Variants in IRAG1 observed in about 807,000 individuals in gnomAD.
IRAG1 encodes inositol 1,4,5-triphosphate receptor associated 1, also known as IP3R-associated cGMP kinase substrate.
In IRAG1, 62 loss-of-function variants were observed where a neutral mutation model predicts 106.2. The ratio of observed to expected loss-of-function variants is 0.58; its 90% CI spans 0.48 to 0.72. The LOEUF is 0.72. IRAG1 is among the 30% of genes least tolerant of loss of function. IRAG1 has a pLI of 0.00. For synonymous variants in IRAG1, 462 were observed against 443.9 expected, an observed-to-expected ratio of 1.04 and a Z score of -0.51; for missense variants, 1,064 against 1,140.7, an observed-to-expected ratio of 0.93 and a Z score of 0.97.
chr11:10,648,949 C>G (rs1020519788), intron 2 of IRAG1, among the ~76,000 whole-genome samples: 2 of 152,222 alleles, frequency 1.3e-5, no homozygotes, highest in Non-Finnish European at 2.9e-5. Context: ...GGAATCACAA[C>G]TAGGGCTGGA....
intron 2 of IRAG1, among the ~76,000 whole-genome samples, chr11:10,635,000 A>G (rs1251132106): frequency 2.0e-5 from 3 of 152,098 alleles, no homozygotes; most frequent in Admixed American, 6.5e-5. Flanking sequence ...ATGCACTAAG[A>G]TTAGGGACAC....
chr11:10,583,784 G>A (rs1463077337), intron 18 of IRAG1, among the ~76,000 whole-genome samples: 1 of 152,150 alleles, frequency 6.6e-6, no homozygotes, highest in Non-Finnish European at 1.5e-5. Context: ...CTCCTTGTTT[G>A]TAACAAAGGT....
At chr11:10,653,033 C>T (rs905607476) in intron 1 of IRAG1, among the ~76,000 whole-genome samples, 3 of 152,132 alleles carry the variant, frequency 2.0e-5, no homozygotes, top group Admixed American at 2.0e-4. Context: ...GGACTGCAAT[C>T]AGCATAATCT....
rs117328312 is a variant in IRAG1 at position 10,647,960 on chromosome 11, C to T, written c.225+4065G>A. On this transcript the variant is annotated intron_variant, in intron 2 of 20. Coordinates refer to ENST00000423302, the MANE Select transcript of IRAG1 (RefSeq NM_130385.4). This position sits in a 1 kb window ranked among gnomAD's most constrained non-coding sequence, Gnocchi z 4.3. ...CTATAGGTTGTATGGAGGGCAGAAC[C>T]GAGGGAGAGTCTTGGGGGAGGCAGA... Among the ~76,000 whole-genome samples the T allele has an allele frequency of 5.3e-5, 8 of 152,266 alleles. No homozygotes were observed. The highest frequency in any genetic ancestry group is 1.2e-4 in the Non-Finnish European group (8 of 68,010).
intron 1 of IRAG1, among the ~76,000 whole-genome samples, chr11:10,655,220 C>T (rs1345357694): frequency 1.3e-5 from 2 of 151,890 alleles, no homozygotes; most frequent in African/African-American, 4.8e-5. Flanking sequence ...GACTATTCCA[C>T]TTTTCTTTTG....
At chr11:10,652,344 C>T (rs1260936520) in intron 1 of IRAG1, 162 bp from the exon 2 acceptor site, 1 of 1,440,912 alleles carries the variant, frequency 6.9e-7, no homozygotes, top group African/African-American at 1.4e-5. Flanking sequence ...TTCATTTCCT[C>T]CGGCTCTCTG....
In IRAG1 at chr11:10,650,664, C is replaced by T. The variant is rs573249278; in HGVS notation, c.225+1361G>A. ...GTTTTGTCTCTCCTTTCCTTAATCC[C>T]CAAGCTTTTGGAACTTGGCACCCTC... On this transcript the variant is annotated intron_variant, in intron 2 of 20. Coordinates refer to ENST00000423302, the MANE Select transcript of IRAG1 (RefSeq NM_130385.4). Among the ~76,000 whole-genome samples, 6 of 152,166 alleles carry T rather than the reference C, an allele frequency of 3.9e-5. No homozygotes were observed. In the South Asian group the frequency reaches 1.2e-3, roughly 32 times the overall value.
At chr11:10,633,920 GT>G in intron 3 of IRAG1, 47 bp downstream of exon 3, 1 of 1,155,674 alleles carries the variant, frequency 8.7e-7, no homozygotes, top group Non-Finnish European at 1.2e-6. Flanking sequence ...TGATCCTCAT[GT>G]TCTAGGAAAT....
chr11:10,677,993 T>G (rs1860829450), intron 1 of IRAG1, among the ~76,000 whole-genome samples: 1 of 148,398 alleles, frequency 6.7e-6, no homozygotes, highest in Non-Finnish European at 1.5e-5. Context: ...TATTCCATCA[T>G]TATCTATCTC....
rs533397637 is a variant in IRAG1, at chr11:10,656,723, C to A, written c.68-4541G>T. On this transcript the variant is annotated intron_variant, in intron 1 of 20. Transcript: ENST00000423302. ...TCTAGGGCTCAGAGAGGTTCCGCAA[C>A]CTGCTCAAGATCACACAGCTAGTAA... 1.4e-4 allele frequency among the ~76,000 whole-genome samples: 21 copies of A among 152,236 alleles called. 1 individual carries two copies. In the South Asian group the frequency reaches 4.4e-3, roughly 32 times the overall value.
intron 1 of IRAG1, among the ~76,000 whole-genome samples, chr11:10,653,182 C>T (rs1438184421): frequency 4.6e-5 from 7 of 152,094 alleles, no homozygotes; most frequent in African/African-American, 1.4e-4. Context: ...CCTGGTGCTA[C>T]GGACACTATT....
chr11:10,685,982 G>C (rs1861635471), intron 1 of IRAG1, among the ~76,000 whole-genome samples: 1 of 152,068 alleles, frequency 6.6e-6, no homozygotes, highest in Admixed American at 6.6e-5. Context: ...TTAGATCTCA[G>C]GTGGGAAACA....
At chr11:10,686,545 C>T (rs1410034782) in intron 1 of IRAG1, among the ~76,000 whole-genome samples, 1 of 152,182 alleles carries the variant, frequency 6.6e-6, no homozygotes, top group East Asian at 1.9e-4. Flanking sequence ...AGTGGGGAAG[C>T]TGCTCCAGTG....
chr11:10,587,648 AC>A (rs1411650719), intron 18 of IRAG1, among the ~76,000 whole-genome samples: 1 of 152,030 alleles, frequency 6.6e-6, no homozygotes, highest in Non-Finnish European at 1.5e-5. Flanking sequence ...TAACATAATA[AC>A]CCCTTTTTGA....
chr11:10,652,951 A>T (rs771768018), intron 1 of IRAG1, among the ~76,000 whole-genome samples: 2 of 151,770 alleles, frequency 1.3e-5, no homozygotes, highest in Non-Finnish European at 2.9e-5. Flanking sequence ...CCTTAGATTG[A>T]CTCCCAGAAG....
intron 1 of IRAG1, chr11:10,687,875 TTGG>T: frequency 8.9e-7 from 1 of 1,122,752 alleles, no homozygotes; most frequent in Non-Finnish European, 1.2e-6. Flanking sequence ...TTGCTTTTTT[TTGG>T]GGGGGGGTGG....
chr11:10,623,699 G>A, intron 10 of IRAG1, 79 bp downstream of exon 10: 1 of 1,326,066 alleles, frequency 7.5e-7, no homozygotes, highest in Non-Finnish European at 1.1e-6. Context: ...GAAGTCTTGT[G>A]TTTACACATT....
intron 1 of IRAG1, among the ~76,000 whole-genome samples, chr11:10,669,134 A>G (rs915169945): frequency 6.6e-6 from 1 of 152,204 alleles, no homozygotes; most frequent in East Asian, 1.9e-4. Flanking sequence ...TAATAAATAA[A>G]CTAATGGATT....
chr11:10,578,121 C>T (rs967814734), intron 20 of IRAG1, among the ~76,000 whole-genome samples: 2 of 152,142 alleles, frequency 1.3e-5, no homozygotes, highest in Non-Finnish European at 2.9e-5. Flanking sequence ...GTCTGTGTGA[C>T]CTTAGCTGGT....
Sources: gnomAD v4.1 joint callset for allele counts (sites outside exome capture counted in the v4.1 genomes callset) on GRCh38, gnomAD v4.1.1 for gene constraint, Gnocchi (gnomAD v3.1) non-coding constraint, MANE v1.5 for transcripts, NCBI Gene and HGNC (gene_info 2026-07-23, HGNC 2026-07-21) for gene names.